Variants in MAF observed in about 807,000 individuals in gnomAD.
MAF encodes MAF bZIP transcription factor, also known as transcription factor Maf.
MAF carries 10 observed loss-of-function variants against 22.0 expected under a neutral mutation model. The ratio of observed to expected loss-of-function variants is 0.45; its 90% confidence interval spans 0.28 to 0.77. The LOEUF is 0.77. Ranked by LOEUF, MAF falls within the 30% of genes least tolerant of loss-of-function variation. MAF has a pLI of 0.12. For synonymous variants in MAF, 337 were observed against 255.8 expected (o/e 1.32, Z -3.03); for missense variants, 544 against 548.4 (o/e 0.99, Z 0.08).
At chr16:79,428,944 C>G in the MAF span, among the ~76,000 whole-genome samples, 5 of 151,998 alleles carry the variant, frequency 3.3e-5, no homozygotes, top group African/African-American at 1.2e-4. Context: ...TACAAAAGCT[C>G]CGGTGATGGA....
Position 79,594,528 on chromosome 16 carries a change from G to A in MAF, c.1144C>T (p.Pro382Ser). The A allele has an allele frequency of 6.4e-7, 1 of 1,564,378 alleles. No homozygotes were observed. Among genetic ancestry groups the A allele is most frequent in the Non-Finnish European group, 8.7e-7 (1 of 1,151,904 alleles). ...FITEPTRKLE[P>S]SVGYATFWKP... Reference sequence around the variant, plus strand: ...CAAAATGTGGCGTATCCCACTGATGGCTCCAACTTGCGAGTGGGCTCAGTT... The same window carrying A: ...CAAAATGTGGCGTATCCCACTGATGACTCCAACTTGCGAGTGGGCTCAGTT... Residue 382 changes from proline (P) to serine (S), a missense_variant, in exon 2 of 2, where the codon CCA (proline) becomes TCA (serine). Transcript: ENST00000326043.
chr16:79,522,084 G>A, the MAF span, among the ~76,000 whole-genome samples: 4 of 152,308 alleles, frequency 2.6e-5, no homozygotes, highest in East Asian at 7.7e-4. Flanking sequence ...GAGGTGTGTA[G>A]GGGGATAGAG....
rs937778060 is a variant in MAF, at chr16:79,600,676, AC to A, written c.-775del. The A allele has an allele frequency of 5.1e-6, 1 of 196,266 alleles. No individual in the cohort carries two copies. Among genetic ancestry groups the A allele is most frequent in the Non-Finnish European group, 1.2e-5 (1 of 85,296 alleles). 12.2% of individuals were successfully genotyped at this position (196,266 alleles called of 1,614,324 possible). A position where few individuals can be genotyped will look rare whatever the true frequency, so the allele number is the denominator to read the frequency against. ...AAGGGGGGAGGGGGAGGCCAAGCCGACAAGCAGCCCGAGCTACAGCTAGAAG... is the reference window on the plus strand; with the variant it reads ...AAGGGGGGAGGGGGAGGCCAAGCCGAAAGCAGCCCGAGCTACAGCTAGAAG... On this transcript the variant is annotated 5_prime_UTR_variant, in exon 1 of 2. Transcript: ENST00000326043.
chr16:79,532,691 C>T, the MAF span, among the ~76,000 whole-genome samples: 2 of 152,270 alleles, frequency 1.3e-5, no homozygotes, highest in Non-Finnish European at 2.9e-5. Flanking sequence ...ATAAAGCATT[C>T]GTGTGTGAGT....
the MAF span, among the ~76,000 whole-genome samples, chr16:79,292,739 A>C: frequency 6.6e-6 from 1 of 152,162 alleles, no homozygotes; most frequent in Non-Finnish European, 1.5e-5. Context: ...CTTGCTGATA[A>C]AACAAGATGC....
the MAF span, among the ~76,000 whole-genome samples, chr16:79,464,221 G>A: frequency 2.6e-5 from 4 of 152,156 alleles, no homozygotes; most frequent in Non-Finnish European, 1.5e-5. Flanking sequence ...GGCTTTTGCA[G>A]ACACCAGGGA....
At chr16:79,523,278 C>T in the MAF span, among the ~76,000 whole-genome samples, 1 of 152,188 alleles carries the variant, frequency 6.6e-6, no homozygotes, top group African/African-American at 2.4e-5. Flanking sequence ...GCATATCCTT[C>T]TGTAACTAAT....
At chr16:79,306,562 G>A in the MAF span, among the ~76,000 whole-genome samples, 3 of 152,158 alleles carry the variant, frequency 2.0e-5, no homozygotes, top group Non-Finnish European at 4.4e-5. Flanking sequence ...GGATGTATGG[G>A]ATAAAGGAGG....
the MAF span, among the ~76,000 whole-genome samples, chr16:79,310,068 C>T: frequency 6.6e-6 from 1 of 152,118 alleles, no homozygotes; most frequent in Non-Finnish European, 1.5e-5. Context: ...AGAATGAACT[C>T]CCAGCACTGA....
the MAF span, among the ~76,000 whole-genome samples, chr16:79,440,010 G>A: frequency 6.6e-6 from 1 of 152,184 alleles, no homozygotes; most frequent in Non-Finnish European, 1.5e-5. Context: ...TTACAGTCTG[G>A]AGAACAGACA....
the MAF span, among the ~76,000 whole-genome samples, chr16:79,428,087 G>T: frequency 9.7e-6 from 1 of 102,866 alleles, no homozygotes; most frequent in Admixed American, 1.3e-4. Context: ...GTGAGACACC[G>T]ACTCAAATTA....
the MAF span, among the ~76,000 whole-genome samples, chr16:79,303,150 G>C: frequency 3.3e-5 from 5 of 152,172 alleles, no homozygotes; most frequent in African/African-American, 9.7e-5. Flanking sequence ...CCCACTCCCA[G>C]CACTGTGGAG....
the MAF span, among the ~76,000 whole-genome samples, chr16:79,310,842 A>G: frequency 6.6e-6 from 1 of 152,126 alleles, no homozygotes; most frequent in African/African-American, 2.4e-5. Context: ...GTCTTGTCGC[A>G]TTATTTAAAT....
At chr16:79,583,231 G>T (rs1445953475), downstream of MAF, among the ~76,000 whole-genome samples, 1 of 152,112 alleles carries the variant, frequency 6.6e-6, no homozygotes, top group Non-Finnish European at 1.5e-5. Context: ...TACTGTTTTT[G>T]TTTTGCTTTG....
At chr16:79,550,362 G>A in the MAF span, among the ~76,000 whole-genome samples, 1 of 150,494 alleles carries the variant, frequency 6.6e-6, no homozygotes, top group Non-Finnish European at 1.5e-5. Flanking sequence ...CAGACAGACA[G>A]ACACACCCCT....
chr16:79,369,185 A>G, the MAF span, among the ~76,000 whole-genome samples: 1 of 152,260 alleles, frequency 6.6e-6, no homozygotes, highest in African/African-American at 2.4e-5. Flanking sequence ...TTAGTTGCCC[A>G]GAGTTTTGTA....
At chr16:79,390,598 C>T in the MAF span, among the ~76,000 whole-genome samples, 5 of 152,140 alleles carry the variant, frequency 3.3e-5, no homozygotes, top group African/African-American at 7.2e-5. Context: ...ATGAAAAACC[C>T]GGCTTGGAGG....
the MAF span, among the ~76,000 whole-genome samples, chr16:79,411,263 C>CAG: frequency 3.3e-5 from 5 of 152,312 alleles, no homozygotes; most frequent in Non-Finnish European, 5.9e-5. Flanking sequence ...GCATTCAAGA[C>CAG]AGGTGCTCAG....
At chr16:79,504,393 A>G in the MAF span, among the ~76,000 whole-genome samples, 1 of 152,212 alleles carries the variant, frequency 6.6e-6, no homozygotes, top group South Asian at 2.1e-4. Flanking sequence ...ATTCCAGTTC[A>G]GCTTCTTATA....
Sources: allele counts gnomAD v4.1 joint callset (sites outside exome capture counted in the v4.1 genomes callset), GRCh38; gene constraint gnomAD v4.1.1; transcripts MANE v1.5; gene names NCBI Gene and HGNC (gene_info 2026-07-23, HGNC 2026-07-21).